The following ARK2N variants were observed in gnomAD, a reference collection of about 807,000 sequenced individuals.
ARK2N encodes protein ARK2N.
the ARK2N span, among the ~76,000 whole-genome samples, chr18:46,224,984 A>G: frequency 6.6e-6 from 1 of 152,238 alleles, no homozygotes; most frequent in Non-Finnish European, 1.5e-5. Context: ...TTACAGGATT[A>G]CTTGACAGGG....
At chr18:46,182,683 CTTT>C in the ARK2N span, among the ~76,000 whole-genome samples, 1,274 of 87,848 alleles carry the variant, frequency 0.015, 15 homozygotes, top group African/African-American at 0.052. Context: ...AGCCACAGTG[CTTT>C]TTTTTTTTTT....
the ARK2N span, among the ~76,000 whole-genome samples, chr18:46,186,990 G>A: frequency 6.6e-6 from 1 of 151,558 alleles, no homozygotes; most frequent in Non-Finnish European, 1.5e-5. Context: ...GAGTTGCTGG[G>A]ATTACAGACA....
chr18:46,221,623 G>A, the ARK2N span, among the ~76,000 whole-genome samples: 5 of 149,966 alleles, frequency 3.3e-5, no homozygotes, highest in East Asian at 3.9e-4. Flanking sequence ...ATTGAAAAAC[G>A]TTTAGCTATT....
the ARK2N span, among the ~76,000 whole-genome samples, chr18:46,244,066 C>T: frequency 6.6e-6 from 1 of 152,152 alleles, no homozygotes; most frequent in African/African-American, 2.4e-5. Context: ...TATTCACACT[C>T]CTAGGTTTCT....
the ARK2N span, among the ~76,000 whole-genome samples, chr18:46,208,131 C>T: frequency 1.3e-5 from 2 of 152,166 alleles, no homozygotes; most frequent in Non-Finnish European, 2.9e-5. Flanking sequence ...AGAGTGGGCC[C>T]TTACTATTGC....
At chr18:46,204,283 A>G in the ARK2N span, among the ~76,000 whole-genome samples, 2 of 152,162 alleles carry the variant, frequency 1.3e-5, no homozygotes, top group Admixed American at 6.5e-5. Flanking sequence ...AAATTAGATA[A>G]ATAGCATAAG....
the ARK2N span, among the ~76,000 whole-genome samples, chr18:46,258,535 A>G: frequency 2.0e-5 from 3 of 152,134 alleles, no homozygotes; most frequent in Non-Finnish European, 4.4e-5. Flanking sequence ...CTATCAAACC[A>G]TATTATTTAT....
the ARK2N span, among the ~76,000 whole-genome samples, chr18:46,183,894 G>A: frequency 6.6e-6 from 1 of 152,014 alleles, no homozygotes; most frequent in East Asian, 1.9e-4. Flanking sequence ...CGCGATCTCA[G>A]CTCACTGCAA....
the ARK2N span, among the ~76,000 whole-genome samples, chr18:46,184,886 G>A: frequency 0.013 from 2,032 of 152,316 alleles, 63 homozygotes; most frequent in East Asian, 0.12. Flanking sequence ...AAGATACTTA[G>A]TTTCATAGTG....
At chr18:46,195,458 A>G in the ARK2N span, among the ~76,000 whole-genome samples, 287 of 150,348 alleles carry the variant, frequency 1.9e-3, 2 homozygotes, top group Middle Eastern at 0.021. Context: ...GATGTTACCC[A>G]GGCTGGTCTC....
At chr18:46,212,269 A>T in the ARK2N span, among the ~76,000 whole-genome samples, 2 of 152,164 alleles carry the variant, frequency 1.3e-5, no homozygotes, top group Non-Finnish European at 2.9e-5. Context: ...TGAATAGATA[A>T]TGTTTGTATA....
chr18:46,203,157 CAT>C, the ARK2N span, among the ~76,000 whole-genome samples: 48 of 152,302 alleles, frequency 3.2e-4, no homozygotes, highest in Middle Eastern at 3.4e-3. Flanking sequence ...ACAACAGAAA[CAT>C]GTGCAAACGT....
At chr18:46,238,474 C>T in the ARK2N span, among the ~76,000 whole-genome samples, 1 of 152,038 alleles carries the variant, frequency 6.6e-6, no homozygotes, top group Non-Finnish European at 1.5e-5. Flanking sequence ...ACCTGAAACA[C>T]GAATCATTTT....
the ARK2N span, among the ~76,000 whole-genome samples, chr18:46,190,668 T>G: frequency 2.2e-5 from 2 of 91,146 alleles, no homozygotes; most frequent in African/African-American, 6.1e-5. Context: ...AACATTGAGA[T>G]CTCAGCTAAT....
the ARK2N span, among the ~76,000 whole-genome samples, chr18:46,213,393 C>A: frequency 5.3e-5 from 8 of 151,968 alleles, no homozygotes; most frequent in Admixed American, 5.2e-4. Context: ...TTGTCCCCCC[C>A]ACTGCTAAAT....
the ARK2N span, among the ~76,000 whole-genome samples, chr18:46,206,746 A>G: frequency 2.0e-5 from 3 of 151,766 alleles, no homozygotes; most frequent in Admixed American, 1.3e-4. Context: ...ACTTCTCTTC[A>G]TTCTCCTCCT....
At chr18:46,183,695 G>A in the ARK2N span, among the ~76,000 whole-genome samples, 1 of 151,968 alleles carries the variant, frequency 6.6e-6, no homozygotes, top group Admixed American at 6.6e-5. Context: ...ATTTCTGTAA[G>A]TGTTTTTTAT....
the ARK2N span, among the ~76,000 whole-genome samples, chr18:46,223,250 C>T: frequency 6.6e-5 from 10 of 152,164 alleles, no homozygotes; most frequent in Middle Eastern, 3.2e-3. Flanking sequence ...ATAAGCTAAA[C>T]ATACTAACCT....
At chr18:46,186,947 C>T in the ARK2N span, among the ~76,000 whole-genome samples, 7 of 151,740 alleles carry the variant, frequency 4.6e-5, no homozygotes, top group Middle Eastern at 3.4e-3. Context: ...CTCTGCCTCC[C>T]GGATTCAAGT....
Sources: gnomAD v4.1 joint callset for allele counts (sites outside exome capture counted in the v4.1 genomes callset) on GRCh38, gnomAD v4.1.1 for gene constraint, MANE v1.5 for transcripts, NCBI Gene and HGNC (gene_info 2026-07-23, HGNC 2026-07-21) for gene names.